ZC3H12C: variants seen among roughly 807,000 people sequenced by gnomAD.
ZC3H12C encodes probable ribonuclease ZC3H12C.
Under a neutral mutation model 76.3 loss-of-function variants are expected in ZC3H12C, and 20 were observed. That is an observed-to-expected ratio of 0.26 (90% CI 0.18 to 0.38). ZC3H12C has a LOEUF of 0.38. Ranked by LOEUF, ZC3H12C falls within the 10% of genes least tolerant of loss-of-function variation. The pLI is 1.00. For synonymous variants in ZC3H12C, 352 were observed against 399.6 expected, an observed-to-expected ratio of 0.88 and a Z score of 1.42; for missense variants, 874 against 1,086.5, an observed-to-expected ratio of 0.80 and a Z score of 2.75.
At chr11:110,143,413 G>T (rs1034752958) in intron 2 of ZC3H12C, among the ~76,000 whole-genome samples, 4 of 151,252 alleles carry the variant, frequency 2.6e-5, no homozygotes, top group African/African-American at 9.7e-5. Flanking sequence ...TGTCCAAGAT[G>T]GTTTATGTAT....
At chr11:110,104,089 A>G (rs1861273118) in intron 1 of ZC3H12C, among the ~76,000 whole-genome samples, 1 of 151,100 alleles carries the variant, frequency 6.6e-6, no homozygotes, top group South Asian at 2.1e-4. Flanking sequence ...GCTGGAGTGC[A>G]GTGGTGCAAT....
At chr11:110,099,583 TA>T (rs756387160) in intron 1 of ZC3H12C, among the ~76,000 whole-genome samples, 1 of 152,192 alleles carries the variant, frequency 6.6e-6, no homozygotes, top group East Asian at 1.9e-4. Context: ...TTTACCCAAT[TA>T]TTTTTTTTAT....
intron 1 of ZC3H12C, among the ~76,000 whole-genome samples, chr11:110,098,291 TAAAG>T (rs1294657744): frequency 2.6e-5 from 4 of 152,162 alleles, no homozygotes; most frequent in Admixed American, 6.5e-5. Context: ...AATAAGGATA[TAAAG>T]AAAGAAGATA....
At chr11:110,129,137 T>C (rs1211075611) in intron 1 of ZC3H12C, among the ~76,000 whole-genome samples, 2 of 152,178 alleles carry the variant, frequency 1.3e-5, no homozygotes, top group African/African-American at 4.8e-5. Context: ...AGAAATTAGT[T>C]TGTCATTCAG....
chr11:110,103,075 C>T (rs1049176968), intron 1 of ZC3H12C, among the ~76,000 whole-genome samples: 3 of 152,180 alleles, frequency 2.0e-5, no homozygotes, highest in African/African-American at 7.2e-5. Flanking sequence ...CACTTTATTA[C>T]AGCAGTCTGG....
Position 110,164,648 on chromosome 11 carries a change from A to G in ZC3H12C, c.1563A>G (p.Leu521=), listed in dbSNP as rs748852086. 12 of 1,614,044 alleles carry G rather than the reference A, an allele frequency of 7.4e-6. No homozygotes were observed. Among genetic ancestry groups the G allele is most frequent in the Middle Eastern group, 1.6e-4 (1 of 6,062 alleles). ...NKLETRSVPS[L]VSIPATSTAK... is the part of the protein sequence containing the mutation. The stretch of plus-strand genomic sequence containing the variant: ...TGGAAACCAGGTCTGTACCTTCCTT[A>G]GTTAGCATCCCAGCTACTTCTACTG... Residue 521 remains leucine, a synonymous_variant, in exon 6 of 6, where the codon TTA becomes TTG. Coordinates refer to ENST00000278590, the MANE Select transcript of ZC3H12C (RefSeq NM_033390.2). This position sits in a 1 kb window ranked among gnomAD's most constrained non-coding sequence, Gnocchi z 5.7.
Position 110,170,692 on chromosome 11 carries a change from G to A in ZC3H12C, c.*4955G>A, listed in dbSNP as rs796609618. The stretch of plus-strand genomic sequence containing the variant: ...AATTTTGAATTCGTTGGAAGTACAC[G>A]CTGCTGAGCATGTTTATTCACAGTG... On this transcript the variant is annotated 3_prime_UTR_variant, in exon 6 of 6. Coordinates refer to ENST00000278590, the MANE Select transcript of ZC3H12C (RefSeq NM_033390.2). 35 of 152,286 alleles carry A rather than the reference G, an allele frequency of 2.3e-4. No individual in the cohort carries two copies. The highest frequency in any genetic ancestry group is 7.9e-4 in the African/African-American group (33 of 41,558). The allele number at this position is 152,286 out of a possible 1,614,324, so 9.4% of individuals were successfully genotyped here.
chr11:110,153,933 C>T (rs900445944), intron 3 of ZC3H12C, among the ~76,000 whole-genome samples: 3 of 152,230 alleles, frequency 2.0e-5, no homozygotes, highest in Admixed American at 1.3e-4. Context: ...CAGTGATTTA[C>T]AATCAACATC....
At chr11:110,139,186 C>A (rs1179018483) in intron 2 of ZC3H12C, among the ~76,000 whole-genome samples, 1 of 152,174 alleles carries the variant, frequency 6.6e-6, no homozygotes, top group Admixed American at 6.5e-5. Context: ...CGGGTGGAGG[C>A]AGTATTATCT....
chr11:110,118,917 A>G (rs942369916), intron 1 of ZC3H12C, among the ~76,000 whole-genome samples: 2 of 152,254 alleles, frequency 1.3e-5, no homozygotes, highest in Non-Finnish European at 2.9e-5. Context: ...TGATTGAACA[A>G]TTTAATAAGT....
chr11:110,158,927 A>G (rs558953809), intron 3 of ZC3H12C, among the ~76,000 whole-genome samples: 1 of 152,376 alleles, frequency 6.6e-6, no homozygotes, highest in South Asian at 2.1e-4. Context: ...GGAACGTGGA[A>G]GAAGCTGTGT....
At chr11:110,120,587 TG>T (rs1356857345) in intron 1 of ZC3H12C, among the ~76,000 whole-genome samples, 2 of 152,204 alleles carry the variant, frequency 1.3e-5, no homozygotes, top group Admixed American at 1.3e-4. Context: ...ACATATGCCT[TG>T]GGGAACTCAA....
At chr11:110,147,341 A>C (rs990280336) in intron 2 of ZC3H12C, among the ~76,000 whole-genome samples, 2 of 152,164 alleles carry the variant, frequency 1.3e-5, no homozygotes, top group African/African-American at 4.8e-5. Context: ...GAGTCACCGG[A>C]GCTACTAAAG....
At chr11:110,126,253 TCA>T (rs55678006) in intron 1 of ZC3H12C, among the ~76,000 whole-genome samples, 33,137 of 137,540 alleles carry the variant, frequency 0.24, 4,126 homozygotes, top group Middle Eastern at 0.36. Context: ...AGATGAGGTC[TCA>T]CTCTGTTGCC....
In ZC3H12C at chr11:110,137,292, T is replaced by C; in HGVS notation, c.651T>C (p.Thr217=). 3 of 1,613,952 alleles carry C rather than the reference T, an allele frequency of 1.9e-6. No homozygotes were observed. The highest frequency in any genetic ancestry group is 2.5e-6 in the Non-Finnish European group (3 of 1,179,874). ...ATCAAACGGTTAGTACAATTAACAC[T>C]ATAACACGGGAAACTTCTTCCCTGG... The part of the protein sequence containing the change: ...EADQTVSTIN[T]ITRETSSLES... Residue 217 remains threonine, a synonymous_variant, in exon 2 of 6, where the codon ACT becomes ACC. Coordinates refer to ENST00000278590, the MANE Select transcript of ZC3H12C (RefSeq NM_033390.2).
At chr11:110,151,278 G>A (rs1021224863) in intron 2 of ZC3H12C, among the ~76,000 whole-genome samples, 4 of 152,136 alleles carry the variant, frequency 2.6e-5, no homozygotes, top group African/African-American at 9.7e-5. Context: ...GTGAGTAAAT[G>A]TGACAGTTAT....
intron 1 of ZC3H12C, among the ~76,000 whole-genome samples, chr11:110,117,966 CACACACATATATATTATATATAT>C (rs1262792639): frequency 6.2e-5 from 2 of 32,288 alleles, no homozygotes; most frequent in African/African-American, 9.5e-5. Flanking sequence ...CACATATATA[CACACACATATATATTATATATAT>C]ACACACATAT....
chr11:110,111,045 G>A (rs928504268), intron 1 of ZC3H12C, among the ~76,000 whole-genome samples: 2 of 152,128 alleles, frequency 1.3e-5, no homozygotes, highest in Admixed American at 6.5e-5. Context: ...GCTTAGCTTC[G>A]AGATCATCCC....
chr11:110,121,186 G>T (rs1861645048), intron 1 of ZC3H12C, among the ~76,000 whole-genome samples: 1 of 152,136 alleles, frequency 6.6e-6, no homozygotes. Context: ...ACCTGTGTTT[G>T]GCTGGAGAAT....
Sources: allele counts gnomAD v4.1 joint callset (sites outside exome capture counted in the v4.1 genomes callset), GRCh38; gene constraint gnomAD v4.1.1; non-coding constraint Gnocchi (gnomAD v3.1); transcripts MANE v1.5; gene names NCBI Gene and HGNC (gene_info 2026-07-23, HGNC 2026-07-21).